GRID2: variants seen among roughly 807,000 people sequenced by gnomAD.
GRID2 encodes the protein glutamate ionotropic receptor delta type subunit 2, also known as glutamate receptor ionotropic, delta-2.
GRID2 carries 33 observed loss-of-function variants against 114.8 expected under a neutral mutation model. The observed-to-expected ratio is 0.29, with a 90% CI of 0.22 to 0.38. The LOEUF (loss-of-function observed/expected upper bound fraction) is 0.38. Ranked by LOEUF, GRID2 falls within the 10% of genes least tolerant of loss-of-function variation. GRID2 has a pLI of 1.00. For missense variants in GRID2, 1,184 were observed against 1,257.7 expected (o/e 0.94, Z 0.89); for synonymous variants, 505 against 449.9 (o/e 1.12, Z -1.55).
chr4:92,919,557 G>C (rs931177432), intron 2 of GRID2, among the ~76,000 whole-genome samples: 1 of 152,116 alleles, frequency 6.6e-6, no homozygotes, highest in East Asian at 1.9e-4. Flanking sequence ...TTGTGTCTTT[G>C]TTCTCATTGG....
intron 2 of GRID2, among the ~76,000 whole-genome samples, chr4:92,772,396 C>G (rs1017016196): frequency 2.0e-5 from 3 of 152,076 alleles, no homozygotes; most frequent in African/African-American, 7.2e-5. Context: ...GTGCCCTACT[C>G]TCTTTCTTCC....
chr4:93,512,614 T>C (rs915200994), intron 12 of GRID2, among the ~76,000 whole-genome samples: 1 of 152,206 alleles, frequency 6.6e-6, no homozygotes, highest in Non-Finnish European at 1.5e-5. Flanking sequence ...GCAGTTGATA[T>C]CAGAAACTAC....
intron 13 of GRID2, among the ~76,000 whole-genome samples, chr4:93,591,765 T>A (rs1469484292): frequency 2.0e-5 from 3 of 152,234 alleles, no homozygotes; most frequent in Non-Finnish European, 4.4e-5. Context: ...AGATTCAACT[T>A]CTTCCTGGCT....
intron 14 of GRID2, among the ~76,000 whole-genome samples, chr4:93,722,571 A>G (rs1729479617): frequency 6.6e-6 from 1 of 152,210 alleles, no homozygotes. Flanking sequence ...TTCTTCATCT[A>G]TATTAATGGT....
intron 13 of GRID2, among the ~76,000 whole-genome samples, chr4:93,611,720 GA>G (rs1389743027): frequency 8.3e-6 from 1 of 120,316 alleles, no homozygotes; most frequent in African/African-American, 3.8e-5. Flanking sequence ...TTGCTGAGGA[GA>G]GCTTTACTTC....
At chr4:92,624,693 A>G (rs2149241418) in intron 2 of GRID2, among the ~76,000 whole-genome samples, 1 of 151,892 alleles carries the variant, frequency 6.6e-6, no homozygotes, top group South Asian at 2.1e-4. Flanking sequence ...AGAATCTTCA[A>G]CCAAAGGAAA....
intron 1 of GRID2, among the ~76,000 whole-genome samples, chr4:93,806,124 A>G (rs1735024328): frequency 6.6e-6 from 1 of 152,196 alleles, no homozygotes; most frequent in Admixed American, 6.5e-5. Flanking sequence ...AAAAAAGCGT[A>G]TATTCATATG....
At chr4:93,188,514 A>G (rs1052230152) in intron 4 of GRID2, among the ~76,000 whole-genome samples, 1 of 152,090 alleles carries the variant, frequency 6.6e-6, no homozygotes, top group African/African-American at 2.4e-5. Context: ...GCATTTGTGG[A>G]GTTCTTCTGT....
intron 14 of GRID2, among the ~76,000 whole-genome samples, chr4:93,689,945 A>G (rs893832382): frequency 9.9e-5 from 15 of 152,086 alleles, no homozygotes; most frequent in African/African-American, 1.4e-4. Context: ...GACAAAAACA[A>G]TCATCTAATA....
At chr4:92,656,573 T>C (rs961826609) in intron 2 of GRID2, among the ~76,000 whole-genome samples, 3 of 151,672 alleles carry the variant, frequency 2.0e-5, no homozygotes, top group African/African-American at 7.3e-5. Context: ...ATTACAGAAA[T>C]GTTTCAAAAT....
At chr4:93,761,934 CCAAT>C (rs962485830) in intron 14 of GRID2, among the ~76,000 whole-genome samples, 8 of 152,070 alleles carry the variant, frequency 5.3e-5, no homozygotes, top group Non-Finnish European at 8.8e-5. Context: ...ATTAGATATG[CCAAT>C]CAAAGTGCCA....
At chr4:92,886,285 C>G (rs1249632440) in intron 2 of GRID2, among the ~76,000 whole-genome samples, 1 of 152,010 alleles carries the variant, frequency 6.6e-6, no homozygotes, top group Non-Finnish European at 1.5e-5. Context: ...TCAAAGATCA[C>G]TTAGTATAGA....
chr4:93,422,731 C>T lies in GRID2; in HGVS notation c.1348-40C>T, dbSNP rs371768155. 3.9e-6 allele frequency: 5 copies of T among 1,267,618 alleles called. No individual in the cohort carries two copies. In the African/African-American group the frequency reaches 7.3e-5, roughly 19 times the overall value. The allele number at this position is 1,267,618 out of a possible 1,614,324, so 78.5% of individuals were successfully genotyped here. A position where few individuals can be genotyped will look rare whatever the true frequency, so the allele number is the denominator to read the frequency against. On this transcript the variant is annotated intron_variant, in intron 9 of 15. Coordinates refer to ENST00000282020, the MANE Select transcript of GRID2 (RefSeq NM_001510.4). ...AATTAATCTTTGCTTTTAGGGAGCA[C>T]TATAGATTGACATCAGAAATTTCTC...
At chr4:93,409,511 G>A (rs1164851695) in intron 9 of GRID2, among the ~76,000 whole-genome samples, 1 of 151,852 alleles carries the variant, frequency 6.6e-6, no homozygotes, top group Non-Finnish European at 1.5e-5. Flanking sequence ...GTGTGGCTTG[G>A]AAAAAAAGAG....
intron 1 of GRID2, among the ~76,000 whole-genome samples, chr4:92,412,381 A>AT (rs1037903299): frequency 2.0e-4 from 30 of 150,118 alleles, no homozygotes; most frequent in South Asian, 8.4e-4. Flanking sequence ...ATCTTTGAAT[A>AT]TTTTTTTTTT....
intron 9 of GRID2, among the ~76,000 whole-genome samples, chr4:93,399,816 C>T (rs1765705010): frequency 6.6e-6 from 1 of 151,978 alleles, no homozygotes; most frequent in Non-Finnish European, 1.5e-5. Context: ...TTATGGGAGC[C>T]TAAGTAAGGA....
chr4:93,041,899 G>GT (rs1408560270), intron 2 of GRID2, among the ~76,000 whole-genome samples: 1 of 151,952 alleles, frequency 6.6e-6, no homozygotes, highest in East Asian at 1.9e-4. Flanking sequence ...TTTTGTTGTT[G>GT]TTGTTTGTTT....
chr4:92,456,831 A>G (rs1026857660), intron 1 of GRID2, among the ~76,000 whole-genome samples: 3 of 152,120 alleles, frequency 2.0e-5, no homozygotes, highest in African/African-American at 7.2e-5. Flanking sequence ...GATAACAACT[A>G]CTAGTCATCC....
At chr4:93,188,348 G>A (rs182076530) in intron 4 of GRID2, among the ~76,000 whole-genome samples, 1 of 152,324 alleles carries the variant, frequency 6.6e-6, no homozygotes, top group East Asian at 1.9e-4. Flanking sequence ...CAGAGAGGCA[G>A]CCCAAGCTGT....
Sources: gnomAD v4.1 joint callset for allele counts (sites outside exome capture counted in the v4.1 genomes callset) on GRCh38, gnomAD v4.1.1 for gene constraint, MANE v1.5 for transcripts, NCBI Gene and HGNC (gene_info 2026-07-23, HGNC 2026-07-21) for gene names.